The following LAMA3 variants were observed in gnomAD, a reference collection of about 807,000 sequenced individuals.
The protein encoded by LAMA3 is laminin subunit alpha 3.
In LAMA3, 281 loss-of-function variants were observed where a neutral mutation model predicts 402.0. The ratio of observed to expected loss-of-function variants is 0.70; its 90% CI spans 0.63 to 0.77. The LOEUF is 0.77. LAMA3 is among the 30% of genes least tolerant of loss of function. The probability of loss-of-function intolerance (pLI) is 0.00; values close to 1 mark genes in which losing one functional copy is unlikely to be tolerated. For synonymous variants in LAMA3, 1,431 were observed against 1,558.4 expected (o/e 0.92, Z 1.93); for missense variants, 3,840 against 4,215.5 (o/e 0.91, Z 2.47).
intron 2 of LAMA3, among the ~76,000 whole-genome samples, chr18:23,745,002 T>C (rs1370488437): frequency 1.3e-5 from 2 of 152,082 alleles, no homozygotes; most frequent in Non-Finnish European, 2.9e-5. Flanking sequence ...TCAGGGAAAT[T>C]TGAATATGGA....
chr18:23,914,607 A>G lies in LAMA3; in HGVS notation c.7481+46A>G, dbSNP rs766453070. On this transcript the variant is annotated intron_variant, in intron 57 of 74. Transcript: ENST00000313654. ...ACCTGTGCTCACCAAACTTCCATGT[A>G]TACATGTTGCTGAACCCCATTTTTA... The G allele has an allele frequency of 6.2e-6, 10 of 1,611,064 alleles. No individual in the cohort carries two copies. In the Middle Eastern group the frequency reaches 8.3e-4, roughly 133 times the overall value.
intron 74 of LAMA3, among the ~76,000 whole-genome samples, chr18:23,953,589 G>A (rs748977597): frequency 1.6e-4 from 24 of 152,022 alleles, no homozygotes; most frequent in Middle Eastern, 6.8e-3. Context: ...TGATCCACCC[G>A]CCTCAGCCTT....
At position 23,949,832 on chromosome 18, in the gene LAMA3, C is replaced by T. The variant is rs758888193; in HGVS notation, c.9419C>T (p.Thr3140Ile). The change falls in exon 71 of 75, where the codon ACC becomes ATC. Residue 3140 changes from threonine to isoleucine, a missense_variant. Thr to Ile is a moderately conservative substitution (Grantham distance 89, BLOSUM62 -1). Transcript: ENST00000313654. ...NFQLDSKPLY[T>I]PSSSFGVSSC... ...CAGCTGGATTCAAAACCCTTGTATA[C>T]CCCTTCTTCAAGCTTCGGGGTGTCT... 4 of 1,614,000 alleles carry T rather than the reference C, an allele frequency of 2.5e-6. No individual in the cohort carries two copies. In the Middle Eastern group the frequency reaches 4.9e-4, roughly 200 times the overall value.
chr18:23,787,552 CAA>C (rs1355479329), intron 12 of LAMA3, among the ~76,000 whole-genome samples: 2 of 151,804 alleles, frequency 1.3e-5, no homozygotes, highest in African/African-American at 2.4e-5. Context: ...AAGACAAAGA[CAA>C]AGAGAAAATC....
At chr18:23,851,739 T>G (rs2063950104) in intron 32 of LAMA3, among the ~76,000 whole-genome samples, 1 of 152,226 alleles carries the variant, frequency 6.6e-6, no homozygotes. Context: ...GGCTATCCTA[T>G]TCCACCTTTA....
In LAMA3 at chr18:23,775,703, A is replaced by G. The variant is rs1467307427; in HGVS notation, c.1274-89A>G. On this transcript the variant is annotated intron_variant, in intron 9 of 74. Transcript: ENST00000313654. ...AATACCTATAGACCAAGGATCAAGT[A>G]TGGAACGTTGCCTGGGAAGTGTTGG... is the stretch of plus-strand genomic sequence containing the variant. 12 of 1,436,418 alleles carry G rather than the reference A, an allele frequency of 8.4e-6. No homozygotes were observed. The African/African-American group carries it at 1.4e-4, about 17-fold the overall frequency. The allele number at this position is 1,436,418 out of a possible 1,614,324, so 89.0% of individuals were successfully genotyped here.
chr18:23,715,361 G>A (rs111892730), intron 2 of LAMA3, among the ~76,000 whole-genome samples: 1 of 151,986 alleles, frequency 6.6e-6, no homozygotes, highest in African/African-American at 2.4e-5. Context: ...TGTGTCAAAT[G>A]CCATTGATAA....
Position 23,814,941 on chromosome 18 carries a change from C to G in LAMA3, c.1889-247C>G, listed in dbSNP as rs575681838. Among the ~76,000 whole-genome samples the G allele has an allele frequency of 5.3e-4, 81 of 152,342 alleles. 3 individuals carry two copies. In the South Asian group the frequency reaches 8.5e-3, roughly 16 times the overall value. The stretch of plus-strand genomic sequence containing the variant: ...ATCATTCAAAAATCCCATGATGTTG[C>G]AGCTTTTGTCATGAAGTAGCCATGA... On this transcript the variant is annotated intron_variant, in intron 15 of 74. Transcript: ENST00000313654.
chr18:23,758,101 G>A (rs1198701619), intron 6 of LAMA3, among the ~76,000 whole-genome samples: 1 of 152,146 alleles, frequency 6.6e-6, no homozygotes, highest in Non-Finnish European at 1.5e-5. Context: ...ACAGAGCTGG[G>A]GCCTCAGAGC....
intron 7 of LAMA3, among the ~76,000 whole-genome samples, chr18:23,760,826 G>A (rs2061952266): frequency 6.6e-6 from 1 of 152,182 alleles, no homozygotes; most frequent in South Asian, 2.1e-4. Flanking sequence ...AGCAGATTCG[G>A]TGTCTGGTGA....
chr18:23,738,550 G>A (rs1263424396), intron 2 of LAMA3, among the ~76,000 whole-genome samples: 1 of 152,184 alleles, frequency 6.6e-6, no homozygotes, highest in African/African-American at 2.4e-5. Flanking sequence ...TGGAGAATCA[G>A]GCCCAGAAAA....
intron 1 of LAMA3, among the ~76,000 whole-genome samples, chr18:23,699,977 T>C (rs77560659): frequency 6.6e-6 from 1 of 152,164 alleles, no homozygotes; most frequent in African/African-American, 2.4e-5. Flanking sequence ...GATAATAATA[T>C]TGATTCTCGC....
intron 38 of LAMA3, among the ~76,000 whole-genome samples, chr18:23,873,854 CAT>C (rs1403589870): frequency 6.6e-6 from 1 of 152,142 alleles, no homozygotes; most frequent in Non-Finnish European, 1.5e-5. Flanking sequence ...AAAACATCAT[CAT>C]GTTAACTAGT....
intron 55 of LAMA3, among the ~76,000 whole-genome samples, chr18:23,912,101 A>C (rs2081448386): frequency 2.1e-5 from 3 of 145,490 alleles, no homozygotes. Context: ...CATATATTTA[A>C]AAATATATAT....
At position 23,871,679 on chromosome 18, in the gene LAMA3, C is replaced by G. The variant is rs765306116; in HGVS notation, c.4998+18C>G. The stretch of plus-strand genomic sequence containing the variant: ...CTTGTCAGGTAGGAAGTTTTCCCAT[C>G]CGCAACATTTCCCTAGGGAGCTCCT... On this transcript the variant is annotated intron_variant, in intron 38 of 74. Coordinates refer to ENST00000313654, the MANE Select transcript of LAMA3 (RefSeq NM_198129.4). The G allele has an allele frequency of 6.4e-7, 1 of 1,572,258 alleles. No homozygotes were observed. Among genetic ancestry groups the G allele is most frequent in the African/African-American group, 1.3e-5 (1 of 74,372 alleles).
intron 1 of LAMA3, among the ~76,000 whole-genome samples, chr18:23,695,989 A>G (rs902164767): frequency 2.6e-5 from 4 of 151,916 alleles, no homozygotes; most frequent in Admixed American, 2.6e-4. Context: ...TGGTTGGATA[A>G]TTCCTCCACT....
At chr18:23,861,033 A>G (rs530871275) in intron 34 of LAMA3, among the ~76,000 whole-genome samples, 4 of 152,188 alleles carry the variant, frequency 2.6e-5, no homozygotes, top group Admixed American at 2.0e-4. Flanking sequence ...TGCCTATTTC[A>G]TATCTTTTAC....
chr18:23,744,818 C>A, intron 2 of LAMA3, among the ~76,000 whole-genome samples: 1 of 104,296 alleles, frequency 9.6e-6, no homozygotes, highest in Non-Finnish European at 1.7e-5. Flanking sequence ...GGCGACAGAG[C>A]AAGACTCTGT....
chr18:23,715,321 A>C (rs2061078111), intron 2 of LAMA3, among the ~76,000 whole-genome samples: 1 of 152,006 alleles, frequency 6.6e-6, no homozygotes, highest in African/African-American at 2.4e-5. Context: ...AGAGTGTTTC[A>C]AGAAAAAAAA....
Sources: gnomAD v4.1 joint callset for allele counts (sites outside exome capture counted in the v4.1 genomes callset) on GRCh38, gnomAD v4.1.1 for gene constraint, MANE v1.5 for transcripts, NCBI Gene and HGNC (gene_info 2026-07-23, HGNC 2026-07-21) for gene names.